The following GRIK4 variants were observed in gnomAD, a reference collection of about 807,000 sequenced individuals.
GRIK4 encodes the protein glutamate receptor ionotropic, kainate 4.
GRIK4 carries 40 observed loss-of-function variants against 104.9 expected under a neutral mutation model. The observed-to-expected ratio is 0.38, with a 90% CI of 0.30 to 0.50. The LOEUF (loss-of-function observed/expected upper bound fraction) is 0.50, where lower values mean the gene tolerates loss of function less well. Among genes scored for constraint, GRIK4 ranks in the 20% least tolerant of loss-of-function variants. The pLI is 0.93. For missense variants in GRIK4, 1,047 were observed against 1,308.1 expected (o/e 0.80, Z 3.08); for synonymous variants, 485 against 524.9 (o/e 0.92, Z 1.04).
chr11:120,734,791 G>A (rs1237225011), intron 3 of GRIK4, among the ~76,000 whole-genome samples: 1 of 151,906 alleles, frequency 6.6e-6, no homozygotes, highest in African/African-American at 2.4e-5. Flanking sequence ...CCTCCTTCTG[G>A]TTGATCAATT....
At chr11:120,720,086 G>A (rs940173062) in intron 3 of GRIK4, among the ~76,000 whole-genome samples, 12 of 152,146 alleles carry the variant, frequency 7.9e-5, no homozygotes, top group African/African-American at 2.2e-4. Flanking sequence ...CTACACCTGG[G>A]ATTGGGGAGC....
rs191059848 is a variant in GRIK4, at chr11:120,752,637, G to A, written c.83-50056G>A. On this transcript the variant is annotated intron_variant, in intron 3 of 20. Coordinates refer to ENST00000527524, the MANE Select transcript of GRIK4 (RefSeq NM_014619.5). ...TTTTAAAGTTTTCCCATTTTCATTA[G>A]TTGATTTTACTTTCCACCCTCCCTG... Among the ~76,000 whole-genome samples, 427 of 152,268 alleles carry A rather than the reference G, an allele frequency of 2.8e-3. 2 individuals carry two copies. The highest frequency in any genetic ancestry group is 5.1e-3 in the Non-Finnish European group (349 of 68,018).
intron 9 of GRIK4, chr11:120,871,399 TGAA>T: frequency 2.0e-5 from 7 of 350,436 alleles, no homozygotes; most frequent in South Asian, 1.1e-4. Flanking sequence ...GCGAATCAAA[TGAA>T]GAAGGAGCTG....
intron 6 of GRIK4, among the ~76,000 whole-genome samples, chr11:120,822,293 G>A (rs945571525): frequency 6.6e-6 from 1 of 151,846 alleles, no homozygotes; most frequent in Admixed American, 6.6e-5. Flanking sequence ...TCCATGAAAG[G>A]GGTTTGGCAA....
At chr11:120,968,166 G>T (rs933763036) in intron 19 of GRIK4, among the ~76,000 whole-genome samples, 12 of 152,184 alleles carry the variant, frequency 7.9e-5, no homozygotes, top group African/African-American at 2.9e-4. Flanking sequence ...CACTTACTGA[G>T]ATGTATGGCT....
chr11:120,689,362 T>G (rs917601766), intron 3 of GRIK4, among the ~76,000 whole-genome samples: 4 of 152,136 alleles, frequency 2.6e-5, no homozygotes, highest in African/African-American at 9.7e-5. Context: ...CAGACCTGGC[T>G]GTTGTTGACA....
intron 3 of GRIK4, among the ~76,000 whole-genome samples, chr11:120,781,700 G>A (rs149703139): frequency 0.023 from 3,499 of 152,328 alleles, 48 homozygotes; most frequent in Non-Finnish European, 0.037. Flanking sequence ...GGGCACTCAA[G>A]TTGGTGCAGA....
intron 19 of GRIK4, among the ~76,000 whole-genome samples, chr11:120,970,811 C>T (rs1285611106): frequency 1.3e-5 from 2 of 152,146 alleles, no homozygotes; most frequent in Non-Finnish European, 1.5e-5. Flanking sequence ...GTTTACCCTC[C>T]TGCGTATGTG....
chr11:120,534,430 C>T (rs1261045208), intron 1 of GRIK4, among the ~76,000 whole-genome samples: 3 of 151,978 alleles, frequency 2.0e-5, no homozygotes, highest in African/African-American at 7.2e-5. Context: ...GTAGGGGGCA[C>T]AGGGGCTTTA....
At chr11:120,876,362 C>T (rs111400423) in intron 11 of GRIK4, among the ~76,000 whole-genome samples, 2,449 of 101,402 alleles carry the variant, frequency 0.024, 123 homozygotes, top group South Asian at 0.06. Context: ...CCACCCTCAT[C>T]ACTACCACTA....
At chr11:120,904,522 C>T (rs1187402551) in intron 12 of GRIK4, among the ~76,000 whole-genome samples, 3 of 152,242 alleles carry the variant, frequency 2.0e-5, no homozygotes, top group African/African-American at 7.2e-5. Context: ...GTATTCCTTA[C>T]TCGCAGCCTT....
chr11:120,986,532 C>G lies in GRIK4; in HGVS notation c.*272C>G, dbSNP rs1944757911. The G allele has an allele frequency of 2.3e-6, 1 of 441,652 alleles. No homozygotes were observed. Among genetic ancestry groups the G allele is most frequent in the African/African-American group, 2.1e-5 (1 of 47,640 alleles). The allele number at this position is 441,652 out of a possible 1,614,324, so 27.4% of individuals were successfully genotyped here. ...AAGGACCCATCTTCTCCCAGTGGGT[C>G]TTTCCCTCTCGCCAAAATAACAAGA... On this transcript the variant is annotated 3_prime_UTR_variant, in exon 21 of 21. Transcript: ENST00000527524.
At chr11:120,915,700 CTT>C (rs1430023662) in intron 13 of GRIK4, among the ~76,000 whole-genome samples, 1 of 152,138 alleles carries the variant, frequency 6.6e-6, no homozygotes, top group African/African-American at 2.4e-5. Context: ...GCTCACATGT[CTT>C]CCTAGTTCAA....
chr11:120,845,650 TACACACACAC>T (rs146137487), intron 8 of GRIK4, among the ~76,000 whole-genome samples: 5 of 146,138 alleles, frequency 3.4e-5, no homozygotes, highest in South Asian at 4.4e-4. Flanking sequence ...TGCACACTTC[TACACACACAC>T]ACACACACAC....
At chr11:120,536,312 C>G (rs532366519) in intron 1 of GRIK4, among the ~76,000 whole-genome samples, 1 of 152,304 alleles carries the variant, frequency 6.6e-6, no homozygotes, top group Admixed American at 6.5e-5. Context: ...TGGGCCCAAA[C>G]CACCTCTTTT....
chr11:120,720,634 T>TG (rs1277061963), intron 3 of GRIK4, among the ~76,000 whole-genome samples: 1 of 152,000 alleles, frequency 6.6e-6, no homozygotes, highest in Non-Finnish European at 1.5e-5. Context: ...CAGAGAAATT[T>TG]GGGAGGGGAA....
At chr11:120,623,519 A>C (rs997987401) in intron 1 of GRIK4, among the ~76,000 whole-genome samples, 1 of 151,754 alleles carries the variant, frequency 6.6e-6, no homozygotes, top group Non-Finnish European at 1.5e-5. Context: ...TGTGTTCCTG[A>C]CCCCCAACCA....
intron 3 of GRIK4, among the ~76,000 whole-genome samples, chr11:120,705,361 G>A (rs555241581): frequency 6.6e-6 from 1 of 152,072 alleles, no homozygotes; most frequent in African/African-American, 2.4e-5. Context: ...AGGTAGCTGG[G>A]ATTACAGGTG....
At chr11:120,537,109 G>A (rs1013373844) in intron 1 of GRIK4, among the ~76,000 whole-genome samples, 1 of 152,196 alleles carries the variant, frequency 6.6e-6, no homozygotes, top group African/African-American at 2.4e-5. Flanking sequence ...TTCCTGGGAG[G>A]TGTCCTCAAA....
Sources: gnomAD v4.1 joint callset for allele counts (sites outside exome capture counted in the v4.1 genomes callset) on GRCh38, gnomAD v4.1.1 for gene constraint, MANE v1.5 for transcripts, NCBI Gene and HGNC (gene_info 2026-07-23, HGNC 2026-07-21) for gene names.